The following NUDC variants were observed in gnomAD, a reference collection of about 807,000 sequenced individuals.
NUDC encodes the protein nuclear distribution C, dynein complex regulator, also known as nuclear migration protein nudC.
In NUDC, 14 loss-of-function variants were observed where a neutral mutation model predicts 45.0. The observed-to-expected ratio is 0.31, with a 90% CI of 0.21 to 0.49. The LOEUF (loss-of-function observed/expected upper bound fraction) is 0.49. NUDC is among the 20% of genes least tolerant of loss of function. The pLI is 0.99. For missense variants in NUDC, 323 were observed against 426.2 expected (o/e 0.76, Z 2.13); for synonymous variants, 153 against 156.7 (o/e 0.98, Z 0.17).
upstream of NUDC, among the ~76,000 whole-genome samples, chr1:26,921,104 G>T (rs2082088106): frequency 6.6e-6 from 1 of 152,206 alleles, no homozygotes; most frequent in South Asian, 2.1e-4. Flanking sequence ...AGCTTGGATG[G>T]CTGGGTCCTG....
chr1:26,921,534 C>T (rs1225121804), upstream of NUDC, among the ~76,000 whole-genome samples: 1 of 152,234 alleles, frequency 6.6e-6, no homozygotes, highest in Non-Finnish European at 1.5e-5. Flanking sequence ...CATCGGGTGA[C>T]CATAGCAACT....
At chr1:26,944,089 T>G (rs2082300395) in intron 6 of NUDC, among the ~76,000 whole-genome samples, 2 of 151,874 alleles carry the variant, frequency 1.3e-5, no homozygotes, top group South Asian at 4.2e-4. Context: ...AGAGACAGGG[T>G]TTCACCGTGT....
intron 2 of NUDC, among the ~76,000 whole-genome samples, chr1:26,924,783 C>G (rs1448432482): frequency 6.6e-6 from 1 of 152,022 alleles, no homozygotes; most frequent in African/African-American, 2.4e-5. Context: ...GAACTCCTGA[C>G]CTCATGATCC....
At chr1:26,927,205 G>GTGTGTGTGTGTGTGTGTGTGTGTGTGT (rs1557673508) in intron 2 of NUDC, among the ~76,000 whole-genome samples, 1 of 124,634 alleles carries the variant, frequency 8.0e-6, no homozygotes, top group African/African-American at 3.5e-5. Flanking sequence ...TGTGTGTCAG[G>GTGTGTGTGTGTGTGTGTGTGTGTGTGT]GTCTTGCTCT....
In NUDC at chr1:26,905,629, C is replaced by T. The variant is rs916056953; in HGVS notation, c.-16+3263C>T. 2.8e-4 allele frequency among the ~76,000 whole-genome samples: 43 copies of T among 152,150 alleles called. 1 individual carries two copies. Among genetic ancestry groups the T allele is most frequent in the Admixed American group, 6.6e-5 (1 of 15,266 alleles). On this transcript the variant is annotated intron_variant, in intron 2 of 6. Coordinates refer to the NUDC transcript ENST00000435827. ...AAAGTATATTTATTCAGGTCCGTTG[C>T]AGCCCCGAGTTCCCAGTCTCTGGTA...
At chr1:26,936,134 A>AACATATATAT (rs1553163907) in intron 2 of NUDC, among the ~76,000 whole-genome samples, 1 of 6,812 alleles carries the variant, frequency 1.5e-4, no homozygotes, top group Non-Finnish European at 2.8e-4. Context: ...ACGCCCGGCT[A>AACATATATAT]ATATATATAT....
At chr1:26,916,066 G>T (rs1236230120) in intron 3 of NUDC, among the ~76,000 whole-genome samples, 5 of 152,026 alleles carry the variant, frequency 3.3e-5, no homozygotes, top group African/African-American at 7.2e-5. Context: ...GGGCCTGAAG[G>T]TTACGATTTG....
In NUDC at chr1:26,913,603, G is replaced by A. The variant is rs772208363; in HGVS notation, c.93+2368G>A. ...AATCTTCTTGAGTATGCTGGGCACC[G>A]GGGCCTCAGCCACCTCAAAGGTCAC... On this transcript the variant is annotated intron_variant, in intron 3 of 6. Coordinates refer to the NUDC transcript ENST00000435827. 3.1e-5 allele frequency: 50 copies of A among 1,613,858 alleles called. No homozygotes were observed. The highest frequency in any genetic ancestry group is 1.3e-4 in the African/African-American group (10 of 74,918).
At chr1:26,903,371 G>A (rs940929427) in intron 2 of NUDC, among the ~76,000 whole-genome samples, 1 of 152,102 alleles carries the variant, frequency 6.6e-6, no homozygotes, top group South Asian at 2.1e-4. Flanking sequence ...TTTAGAAAGG[G>A]ACTTCAAAGT....
At chr1:26,940,869 G>T (rs1340865989) in intron 2 of NUDC, among the ~76,000 whole-genome samples, 1 of 151,554 alleles carries the variant, frequency 6.6e-6, no homozygotes. Flanking sequence ...TGTATTGTTA[G>T]TAGAGACGGG....
Position 26,946,330 on chromosome 1 carries a change from G to T in NUDC, c.*149G>T. 2 of 749,650 alleles carry T rather than the reference G, an allele frequency of 2.7e-6. No homozygotes were observed. The highest frequency in any genetic ancestry group is 2.0e-5 in the Admixed American group (1 of 50,234). 46.4% of individuals were successfully genotyped at this position (749,650 alleles called of 1,614,324 possible). ...CAGGTCCCGGGGCATCAGGAGAAAG[G>T]CTGGGTCTTGGGACCTTGTCCTCCC... On this transcript the variant is annotated 3_prime_UTR_variant, in exon 9 of 9. Coordinates refer to ENST00000321265, the MANE Select transcript of NUDC (RefSeq NM_006600.4).
rs945383045 is a variant in NUDC, at chr1:26,909,063, C to T, written c.-15-2065C>T. Among the ~76,000 whole-genome samples, 9 of 152,266 alleles carry T rather than the reference C, an allele frequency of 5.9e-5. No individual in the cohort carries two copies. The East Asian group carries it at 1.7e-3, about 29-fold the overall frequency. On this transcript the variant is annotated intron_variant, in intron 2 of 6. Coordinates refer to the NUDC transcript ENST00000435827. ...GATCTCGGCTCACTGCAACCTCCAC[C>T]TCCCAGGTTCAACCGATTCTCCTGT...
Position 26,941,549 on chromosome 1 carries a change from G to C in NUDC, c.252G>C (p.Lys84Asn). 2 of 1,610,860 alleles carry C rather than the reference G, an allele frequency of 1.2e-6. No individual in the cohort carries two copies. The highest frequency in any genetic ancestry group is 1.7e-6 in the Non-Finnish European group (2 of 1,178,876). ...GGCAGGAGGCCGAGCGGCGGGAGAA[G>C]GCGGAGCGGGCGGCCAGACTGGCCA... is the stretch of plus-strand genomic sequence containing the variant. ...RARQEAERRE[K>N]AERAARLAKE... is the part of the protein sequence containing the mutation. The change falls in exon 3 of 9, where the codon AAG (lysine) becomes AAC (asparagine). Residue 84 changes from lysine (K) to asparagine (N), a missense_variant. Lys to Asn is a moderately conservative substitution (Grantham distance 94). Around this residue, in one of 3 missense-constraint regions of NUDC, gnomAD observed 245 missense variants for 278.8 expected, o/e 0.88. Transcript: ENST00000321265.
chr1:26,939,241 G>A (rs962670615), intron 2 of NUDC, among the ~76,000 whole-genome samples: 7 of 152,100 alleles, frequency 4.6e-5, no homozygotes, highest in East Asian at 3.9e-4. Flanking sequence ...TGATCTGCCC[G>A]CCTCAGCCTC....
chr1:26,941,413 C>G (rs1477782358), intron 2 of NUDC, 44 bp from the exon 3 acceptor site: 1 of 1,596,660 alleles, frequency 6.3e-7, no homozygotes, highest in Non-Finnish European at 8.5e-7. Flanking sequence ...CTGTGGGACA[C>G]TGTCCCCTGC....
At chr1:26,904,688 T>G (rs1366661704) in intron 2 of NUDC, among the ~76,000 whole-genome samples, 1 of 152,140 alleles carries the variant, frequency 6.6e-6, no homozygotes, top group African/African-American at 2.4e-5. Context: ...ACTTATTAAC[T>G]GTGTAACCTC....
At chr1:26,917,628 C>G (rs547183903), upstream of NUDC, among the ~76,000 whole-genome samples, 60 of 152,046 alleles carry the variant, frequency 3.9e-4, no homozygotes, top group African/African-American at 1.4e-3. Context: ...TGGCTCACGC[C>G]TGTAATCTCA....
chr1:26,904,994 G>A (rs1287089818), intron 2 of NUDC, among the ~76,000 whole-genome samples: 2 of 149,884 alleles, frequency 1.3e-5, no homozygotes, highest in East Asian at 2.0e-4. Context: ...GCGCCACCAC[G>A]CCCGGCTAAT....
chr1:26,920,778 A>C (rs887613116), upstream of NUDC, among the ~76,000 whole-genome samples: 24 of 147,336 alleles, frequency 1.6e-4, no homozygotes, highest in Non-Finnish European at 2.6e-4. Flanking sequence ...ACAAAAAACA[A>C]AAAAAAAAAA....
Sources: gnomAD v4.1 joint callset for allele counts (sites outside exome capture counted in the v4.1 genomes callset) on GRCh38, gnomAD v4.1.1 for gene constraint, gnomAD v4.1.1 regional missense constraint, MANE v1.5 for transcripts, NCBI Gene and HGNC (gene_info 2026-07-23, HGNC 2026-07-21) for gene names.